Variants in SIK3 observed in about 807,000 individuals in gnomAD.
SIK3 encodes the protein SIK family kinase 3.
A neutral mutation model predicts 144.2 loss-of-function variants in SIK3; 28 were observed. That is an observed-to-expected ratio of 0.19 (90% CI 0.14 to 0.27). The LOEUF (loss-of-function observed/expected upper bound fraction) is 0.27. Among genes scored for constraint, SIK3 ranks in the 10% least tolerant of loss-of-function variants. The probability of loss-of-function intolerance (pLI) is 1.00; values close to 1 mark genes in which losing one functional copy is unlikely to be tolerated. For synonymous variants in SIK3, 686 were observed against 676.3 expected (o/e 1.01, Z -0.22); for missense variants, 1,319 against 1,776.0 (o/e 0.74, Z 4.62).
intron 1 of SIK3, among the ~76,000 whole-genome samples, chr11:117,011,943 G>A (rs1185118313): frequency 1.3e-5 from 2 of 151,972 alleles, no homozygotes; most frequent in African/African-American, 2.4e-5. Context: ...CTGCTTGGCG[G>A]TCTGGCTATC....
At position 116,965,734 on chromosome 11, in the gene SIK3, AATATATATATAT is replaced by A. The variant is rs58587995; in HGVS notation, c.274-8682_274-8671del. Among the ~76,000 whole-genome samples the A allele has an allele frequency of 5.7e-3, 678 of 118,282 alleles. 12 individuals are homozygous for A. The highest frequency in any genetic ancestry group is 0.023 in the East Asian group (73 of 3,172). 77.6% of individuals were successfully genotyped at this position (118,282 alleles called of 152,430 possible). ...CATGGTGAAAACCCGTCTCTGCTAAAATATATATATATATATATATATATATATATATATATA... is the reference window on the plus strand; with the variant it reads ...CATGGTGAAAACCCGTCTCTGCTAAAATATATATATATATATATATATATA... On this transcript the variant is annotated intron_variant, in intron 1 of 24. Transcript: ENST00000445177.
At chr11:117,020,926 T>C (rs1298309716) in intron 1 of SIK3, among the ~76,000 whole-genome samples, 2 of 152,152 alleles carry the variant, frequency 1.3e-5, no homozygotes, top group African/African-American at 4.8e-5. Context: ...GAAGCACAGG[T>C]AAAACCACCT....
chr11:117,004,233 G>A (rs1036061513), intron 1 of SIK3, among the ~76,000 whole-genome samples: 3 of 152,142 alleles, frequency 2.0e-5, no homozygotes, highest in African/African-American at 7.2e-5. Flanking sequence ...GGTAACTAAA[G>A]GCAGGGAGCA....
At chr11:116,875,125 A>G (rs367886660) in intron 11 of SIK3, 33 bp downstream of exon 11, 2 of 1,543,514 alleles carry the variant, frequency 1.3e-6, no homozygotes, top group African/African-American at 2.7e-5. Flanking sequence ...TCTTTGCCCC[A>G]GTGTTAGTGA....
At chr11:117,067,399 T>A (rs548367869) in intron 1 of SIK3, among the ~76,000 whole-genome samples, 3 of 152,096 alleles carry the variant, frequency 2.0e-5, no homozygotes, top group South Asian at 2.1e-4. Flanking sequence ...AATAAATGAA[T>A]CTTAAAGAAT....
chr11:116,992,837 T>C (rs528314624), intron 1 of SIK3, among the ~76,000 whole-genome samples: 3 of 152,142 alleles, frequency 2.0e-5, no homozygotes, highest in South Asian at 2.1e-4. Context: ...ATTTAAAAAT[T>C]AGCCAGACAT....
Position 116,976,446 on chromosome 11 carries a change from G to A in SIK3, c.274-19382C>T, listed in dbSNP as rs12275589. Among the ~76,000 whole-genome samples, 1,167 of 152,308 alleles carry A rather than the reference G, an allele frequency of 7.7e-3. 14 individuals carry two copies. The highest frequency in any genetic ancestry group is 0.024 in the African/African-American group (1,000 of 41,554). ...GTCCAACTTCATTCTTTTGAACATG[G>A]ATATACACTTATTCCAGCACTGTTT... is the stretch of plus-strand genomic sequence containing the variant. On this transcript the variant is annotated intron_variant, in intron 1 of 24. Transcript: ENST00000445177.
intron 6 of SIK3, among the ~76,000 whole-genome samples, chr11:116,881,877 T>C (rs1944570042): frequency 6.6e-6 from 1 of 152,176 alleles, no homozygotes; most frequent in African/African-American, 2.4e-5. Flanking sequence ...CCCAATACTA[T>C]TATCTCAATT....
chr11:116,935,343 A>G (rs901154703), intron 3 of SIK3, among the ~76,000 whole-genome samples: 2 of 151,872 alleles, frequency 1.3e-5, no homozygotes, highest in Non-Finnish European at 2.9e-5. Flanking sequence ...AATACCAATG[A>G]GAGAAGAGAC....
chr11:117,015,575 CTAATTT>C (rs916860952), intron 1 of SIK3, among the ~76,000 whole-genome samples: 2 of 119,652 alleles, frequency 1.7e-5, no homozygotes, highest in African/African-American at 1.0e-4. Flanking sequence ...CCATGTCCAG[CTAATTT>C]TTTTTTTTTT....
At chr11:116,937,581 CCTT>C (rs1339401601) in intron 3 of SIK3, among the ~76,000 whole-genome samples, 1 of 152,150 alleles carries the variant, frequency 6.6e-6, no homozygotes, top group Non-Finnish European at 1.5e-5. Flanking sequence ...CCACAAGTCT[CCTT>C]ATTATTTGTA....
chr11:116,986,115 C>T (rs767570868), intron 1 of SIK3, among the ~76,000 whole-genome samples: 1 of 152,182 alleles, frequency 6.6e-6, no homozygotes, highest in Admixed American at 6.5e-5. Flanking sequence ...CTTCAGCCCA[C>T]TCTTCCTCCT....
intron 1 of SIK3, among the ~76,000 whole-genome samples, chr11:117,058,860 G>C (rs937766794): frequency 2.6e-5 from 4 of 152,196 alleles, no homozygotes; most frequent in African/African-American, 9.7e-5. Flanking sequence ...ACAGAAAAAG[G>C]GCAGTACTGT....
At chr11:117,030,835 C>A (rs1952227025) in intron 1 of SIK3, among the ~76,000 whole-genome samples, 1 of 152,064 alleles carries the variant, frequency 6.6e-6, no homozygotes, top group African/African-American at 2.4e-5. Flanking sequence ...TGCACCCAGG[C>A]TTTTTAAAAA....
At chr11:116,918,377 A>C (rs1216406139) in intron 4 of SIK3, among the ~76,000 whole-genome samples, 1 of 148,854 alleles carries the variant, frequency 6.7e-6, no homozygotes, top group Non-Finnish European at 1.5e-5. Context: ...CTTCTCCTAC[A>C]CTTTTTTTTC....
intron 1 of SIK3, among the ~76,000 whole-genome samples, chr11:116,995,681 G>C (rs1950642370): frequency 6.6e-6 from 1 of 152,038 alleles, no homozygotes; most frequent in African/African-American, 2.4e-5. Flanking sequence ...CAACAACCTG[G>C]CTCCTAAGAA....
intron 1 of SIK3, among the ~76,000 whole-genome samples, chr11:116,965,384 TAA>T (rs570167440): frequency 2.7e-5 from 4 of 150,860 alleles, no homozygotes; most frequent in Non-Finnish European, 5.9e-5. Context: ...TTTTTTTTTT[TAA>T]AAAAAAGGAG....
At chr11:117,090,726 T>C (rs1171422982) in intron 1 of SIK3, among the ~76,000 whole-genome samples, 1 of 152,248 alleles carries the variant, frequency 6.6e-6, no homozygotes, top group African/African-American at 2.4e-5. Flanking sequence ...ATCTCAGTCA[T>C]GCCAAGGGGC....
At chr11:116,851,497 A>T (rs900680671) in intron 21 of SIK3, among the ~76,000 whole-genome samples, 4 of 152,164 alleles carry the variant, frequency 2.6e-5, no homozygotes, top group African/African-American at 9.7e-5. Context: ...CAGAGGCAGG[A>T]TGGAAAGGGA....
Sources: allele counts gnomAD v4.1 joint callset (sites outside exome capture counted in the v4.1 genomes callset), GRCh38; gene constraint gnomAD v4.1.1; transcripts MANE v1.5; gene names NCBI Gene and HGNC (gene_info 2026-07-23, HGNC 2026-07-21).